MRPL30: variants seen among roughly 807,000 people sequenced by gnomAD.
MRPL30 encodes the protein large ribosomal subunit protein uL30m.
MRPL30 carries 10 observed loss-of-function variants against 17.2 expected under a neutral mutation model. The observed-to-expected ratio is 0.58, with a 90% CI of 0.36 to 0.99. MRPL30 has a LOEUF of 0.99. MRPL30 is among the 50% of genes least tolerant of loss of function. The probability of loss-of-function intolerance (pLI) is 0.01; values close to 1 mark genes in which losing one functional copy is unlikely to be tolerated. For synonymous variants in MRPL30, 61 were observed against 62.1 expected (o/e 0.98, Z 0.08); for missense variants, 170 against 189.8 (o/e 0.90, Z 0.61).
chr2:99,195,782 T>A lies in MRPL30; in HGVS notation c.*77T>A. 1 of 1,599,466 alleles carries A rather than the reference T, an allele frequency of 6.3e-7. No homozygotes were observed. Among genetic ancestry groups the A allele is most frequent in the South Asian group, 1.1e-5 (1 of 89,338 alleles). On this transcript the variant is annotated 3_prime_UTR_variant, in exon 6 of 6. Transcript: ENST00000338148. ...GTGAGAAAGTGTTTTCATTAAAATA[T>A]GTTTTCAAAACCATTTTCAGGCCGG... is the stretch of plus-strand genomic sequence containing the variant.
chr2:99,193,269 A>G (rs1431687978), intron 3 of MRPL30, among the ~76,000 whole-genome samples: 4 of 152,218 alleles, frequency 2.6e-5, no homozygotes, highest in South Asian at 2.1e-4. Flanking sequence ...CAAAACCACA[A>G]TGAGATACTA....
At chr2:99,194,334 G>A (rs2093951674) in intron 3 of MRPL30, among the ~76,000 whole-genome samples, 1 of 152,140 alleles carries the variant, frequency 6.6e-6, no homozygotes, top group South Asian at 2.1e-4. Flanking sequence ...GAGTTCATTA[G>A]TCATTTGCCT....
At chr2:99,182,398 A>G (rs1408452550) in intron 1 of MRPL30, among the ~76,000 whole-genome samples, 2 of 152,194 alleles carry the variant, frequency 1.3e-5, no homozygotes, top group African/African-American at 2.4e-5. Context: ...TACTAAAAAT[A>G]CAAAAAATTA....
chr2:99,183,889 C>G (rs1228944409), intron 1 of MRPL30, among the ~76,000 whole-genome samples: 1 of 152,152 alleles, frequency 6.6e-6, no homozygotes, highest in Admixed American at 6.5e-5. Context: ...TGACTTCTTC[C>G]TTAGGCTCCT....
intron 1 of MRPL30, among the ~76,000 whole-genome samples, chr2:99,185,128 A>G: frequency 6.6e-6 from 1 of 152,154 alleles, no homozygotes; most frequent in Admixed American, 6.5e-5. Context: ...CTGTGCATGC[A>G]AGGGATCTAG....
At position 99,198,749 on chromosome 2, in the gene MRPL30, G is replaced by T. The variant is rs1033657713; in HGVS notation, c.*3044G>T. 6.6e-6 allele frequency among the ~76,000 whole-genome samples: 1 copy of T among 152,040 alleles called. No homozygotes were observed. The highest frequency in any genetic ancestry group is 6.6e-5 in the Admixed American group (1 of 15,256). On this transcript the variant is annotated 3_prime_UTR_variant, in exon 6 of 6. Transcript: ENST00000338148. ...AAAACCCTATAAGGGTTTGTTCCTC[G>T]GTCTTGACTTTGTGTCTTTGAGGAT...
chr2:99,183,171 G>GC (rs1215152587), intron 1 of MRPL30, among the ~76,000 whole-genome samples: 3 of 40,564 alleles, frequency 7.4e-5, no homozygotes, highest in East Asian at 1.7e-3. Context: ...GATCAAACAA[G>GC]GGGGGCAGCA....
In MRPL30 at chr2:99,197,640, G is replaced by A. The variant is rs892747639; in HGVS notation, c.*1935G>A. The stretch of plus-strand genomic sequence containing the variant: ...AATTTAGCGCCATCTCTTTTACTGT[G>A]CTAATTTTTTTTTCTTTAGAGACAG... On this transcript the variant is annotated 3_prime_UTR_variant, in exon 6 of 6. Transcript: ENST00000338148. The A allele has an allele frequency of 6.6e-6, 1 of 152,038 alleles. No homozygotes were observed. The highest frequency in any genetic ancestry group is 2.4e-5 in the African/African-American group (1 of 41,398). 9.4% of individuals were successfully genotyped at this position (152,038 alleles called of 1,614,324 possible).
At chr2:99,186,855 A>C (rs922867070) in intron 2 of MRPL30, 2 of 152,278 alleles carry the variant, frequency 1.3e-5, no homozygotes, top group Non-Finnish European at 2.9e-5. Context: ...ATAGAAAATC[A>C]GAAGGAAGAG....
Position 99,196,110 on chromosome 2 carries a change from G to C in MRPL30, c.*405G>C, listed in dbSNP as rs1270953206. On this transcript the variant is annotated 3_prime_UTR_variant, in exon 6 of 6. Transcript: ENST00000338148. ...GAAAAAAAAAAATTTTTTTTTCACTGACTAAACCTGCTGCAGCTCTCTTTT... is the reference window on the plus strand; with the variant it reads ...GAAAAAAAAAAATTTTTTTTTCACTCACTAAACCTGCTGCAGCTCTCTTTT... The C allele has an allele frequency of 5.3e-6, 1 of 187,164 alleles. No homozygotes were observed. Among genetic ancestry groups the C allele is most frequent in the East Asian group, 1.9e-4 (1 of 5,334 alleles). 11.6% of individuals were successfully genotyped at this position (187,164 alleles called of 1,614,324 possible).
At chr2:99,191,240 C>T (rs901960094) in intron 3 of MRPL30, among the ~76,000 whole-genome samples, 4 of 152,050 alleles carry the variant, frequency 2.6e-5, no homozygotes, top group East Asian at 1.9e-4. Context: ...CTCCTGACCT[C>T]GTGATCCACC....
chr2:99,194,949 T>C (rs2093952771), intron 4 of MRPL30, 52 bp downstream of exon 4: 1 of 1,474,694 alleles, frequency 6.8e-7, no homozygotes, highest in Non-Finnish European at 9.1e-7. Context: ...CTTTAAATTT[T>C]ATACTTTTAA....
At chr2:99,186,117 G>T in intron 1 of MRPL30, 60 bp from the exon 2 acceptor site, 1 of 1,174,360 alleles carries the variant, frequency 8.5e-7, no homozygotes, top group South Asian at 1.3e-5. Context: ...CTAGAGAAGG[G>T]GAAACCTGTT....
chr2:99,192,340 A>G (rs2093948036), intron 3 of MRPL30, among the ~76,000 whole-genome samples: 1 of 152,070 alleles, frequency 6.6e-6, no homozygotes. Context: ...TATATGTGCC[A>G]TGGTGGTTTG....
chr2:99,187,912 A>G (rs1306903622), intron 2 of MRPL30, among the ~76,000 whole-genome samples: 1 of 152,194 alleles, frequency 6.6e-6, no homozygotes, highest in African/African-American at 2.4e-5. Context: ...TGGAGACTAC[A>G]TAGCTCTAGA....
chr2:99,186,486 C>T (rs2093934318), intron 2 of MRPL30, among the ~76,000 whole-genome samples: 1 of 152,166 alleles, frequency 6.6e-6, no homozygotes, highest in South Asian at 2.1e-4. Flanking sequence ...GTGTCTGCCA[C>T]TATGCCTGGC....
Position 99,195,637 on chromosome 2 carries a change from A to C in MRPL30, c.418A>C (p.Lys140Gln). 1 of 1,613,732 alleles carries C rather than the reference A, an allele frequency of 6.2e-7. No individual in the cohort carries two copies. Among genetic ancestry groups the C allele is most frequent in the Non-Finnish European group, 8.5e-7 (1 of 1,179,934 alleles). Reference protein sequence around the residue: ...AEENMSNTCLKSTGELVVQWH... With the variant: ...AEENMSNTCLQSTGELVVQWH... ...GGAGAACATGTCTAACACGTGCCTCAAAAGCACTGGGGAGTTAGTAGTGCA... is the reference window on the plus strand; with the variant it reads ...GGAGAACATGTCTAACACGTGCCTCCAAAGCACTGGGGAGTTAGTAGTGCA... The change falls in exon 6 of 6, where the codon AAA becomes CAA. Residue 140 changes from lysine to glutamine, a missense_variant. Physicochemically the swap from Lys to Gln is moderately conservative, Grantham distance 53. Coordinates refer to ENST00000338148, the MANE Select transcript of MRPL30 (RefSeq NM_145212.4).
intron 3 of MRPL30, among the ~76,000 whole-genome samples, chr2:99,192,953 C>T (rs2093949442): frequency 1.3e-5 from 2 of 152,246 alleles, no homozygotes; most frequent in East Asian, 1.9e-4. Flanking sequence ...AAAGCAATTG[C>T]AACAAAAGCC....
At chr2:99,184,061 T>C (rs2093930129) in intron 1 of MRPL30, among the ~76,000 whole-genome samples, 1 of 140,610 alleles carries the variant, frequency 7.1e-6, no homozygotes, top group African/African-American at 2.7e-5. Flanking sequence ...TATTCACCTA[T>C]TTATATTAGT....
Sources: gnomAD v4.1 joint callset for allele counts (sites outside exome capture counted in the v4.1 genomes callset) on GRCh38, gnomAD v4.1.1 for gene constraint, MANE v1.5 for transcripts, NCBI Gene and HGNC (gene_info 2026-07-23, HGNC 2026-07-21) for gene names.